SND1: variants seen among roughly 807,000 people sequenced by gnomAD.
SND1 encodes staphylococcal nuclease domain-containing protein 1.
SND1 carries 38 observed loss-of-function variants against 121.7 expected under a neutral mutation model. The ratio of observed to expected loss-of-function variants is 0.31; its 90% CI spans 0.24 to 0.41. The LOEUF is 0.41. Ranked by LOEUF, SND1 falls within the 10% of genes least tolerant of loss-of-function variation. The probability of loss-of-function intolerance (pLI) is 1.00; values close to 1 mark genes in which losing one functional copy is unlikely to be tolerated. For synonymous variants in SND1, 401 were observed against 447.4 expected (o/e 0.90, Z 1.31); for missense variants, 868 against 1,184.6 (o/e 0.73, Z 3.92).
chr7:127,988,554 T>G (rs972814049), intron 15 of SND1, among the ~76,000 whole-genome samples: 3 of 152,206 alleles, frequency 2.0e-5, no homozygotes, highest in African/African-American at 7.2e-5. Context: ...CCTGGCCCAC[T>G]GAGCCATCAT....
At chr7:127,653,601 G>C (rs1490401210) in intron 1 of SND1, among the ~76,000 whole-genome samples, 1 of 152,110 alleles carries the variant, frequency 6.6e-6, no homozygotes, top group Non-Finnish European at 1.5e-5. Flanking sequence ...TTGAGGCCAG[G>C]AGTTGGAGAT....
In SND1 at chr7:127,714,161, G is replaced by A. The variant is rs915120167; in HGVS notation, c.1038+6514G>A. 3.6e-4 allele frequency among the ~76,000 whole-genome samples: 55 copies of A among 152,126 alleles called. 2 individuals carry two copies. Among genetic ancestry groups the A allele is most frequent in the Non-Finnish European group, 4.4e-5 (3 of 68,032 alleles). ...CACCCTACCTGGTTAGAGGCTTCTT[G>A]CTTGGTCCTCTGTACCTATATATAG... is the stretch of plus-strand genomic sequence containing the variant. On this transcript the variant is annotated intron_variant, in intron 9 of 23. Coordinates refer to ENST00000354725, the MANE Select transcript of SND1 (RefSeq NM_014390.4).
At chr7:127,892,238 A>G (rs1800021871) in intron 13 of SND1, among the ~76,000 whole-genome samples, 1 of 152,122 alleles carries the variant, frequency 6.6e-6, no homozygotes. Context: ...TGCAGCCCCT[A>G]CTTCCTCTGC....
intron 13 of SND1, among the ~76,000 whole-genome samples, chr7:127,896,696 G>C (rs941558912): frequency 6.6e-6 from 1 of 152,066 alleles, no homozygotes; most frequent in African/African-American, 2.4e-5. Context: ...ATGAGCTTTG[G>C]ATTTCTATAG....
At chr7:127,799,499 G>T (rs1434144101) in intron 10 of SND1, among the ~76,000 whole-genome samples, 1 of 152,120 alleles carries the variant, frequency 6.6e-6, no homozygotes, top group Non-Finnish European at 1.5e-5. Flanking sequence ...GATCAAATAG[G>T]GTTGTCAGAA....
rs558574978 is a variant in SND1, at chr7:128,046,841, TTATC to T, written c.1780-27657_1780-27654del. Among the ~76,000 whole-genome samples the T allele has an allele frequency of 1.3e-3, 195 of 152,350 alleles. 5 individuals are homozygous for T. In the South Asian group the frequency reaches 0.037, roughly 29 times the overall value. ...AGCAGCAAATCAAAGTAAAACTAATTTATCTATTCATCACCAATAGAAATAAAGA... is the reference window on the plus strand; with the variant it reads ...AGCAGCAAATCAAAGTAAAACTAATTTATTCATCACCAATAGAAATAAAGA... On this transcript the variant is annotated intron_variant, in intron 16 of 23. Transcript: ENST00000354725.
chr7:127,766,617 T>C (rs1370184705), intron 10 of SND1, among the ~76,000 whole-genome samples: 2 of 151,364 alleles, frequency 1.3e-5, no homozygotes, highest in African/African-American at 2.4e-5. Flanking sequence ...CTACTAAAAA[T>C]ACAAAAAATT....
intron 2 of SND1, among the ~76,000 whole-genome samples, chr7:127,688,576 G>A (rs1394660898): frequency 6.7e-6 from 1 of 150,232 alleles, no homozygotes; most frequent in African/African-American, 2.5e-5. Flanking sequence ...GAAAAAATTA[G>A]CCAGGCATGG....
rs373622270 is a variant in SND1, at chr7:128,029,502, G to A, written c.1779+38446G>A. On this transcript the variant is annotated intron_variant, in intron 16 of 23. Coordinates refer to ENST00000354725, the MANE Select transcript of SND1 (RefSeq NM_014390.4). The surrounding 1 kb of genome is among the most constrained non-coding windows in gnomAD (Gnocchi z 4.2). The stretch of plus-strand genomic sequence containing the variant: ...ATTGGGCAGCAACCACTTCACGGAG[G>A]ACATAGGGGGAGTCCGACACTTAAG... 2 of 1,614,098 alleles carry A rather than the reference G, an allele frequency of 1.2e-6. No homozygotes were observed. The highest frequency in any genetic ancestry group is 1.3e-5 in the African/African-American group (1 of 75,018).
chr7:127,909,975 G>A (rs1800419901), intron 14 of SND1, among the ~76,000 whole-genome samples: 1 of 152,192 alleles, frequency 6.6e-6, no homozygotes, highest in Non-Finnish European at 1.5e-5. Context: ...TCCAGCATCT[G>A]CTCCTGACCT....
chr7:128,071,980 A>G (rs1330921818), intron 16 of SND1, among the ~76,000 whole-genome samples: 17 of 152,316 alleles, frequency 1.1e-4, no homozygotes, highest in African/African-American at 3.8e-4. Flanking sequence ...GTTAAGTGTG[A>G]AGCTGGTGCT....
chr7:128,044,502 T>G (rs1349015907), intron 16 of SND1, among the ~76,000 whole-genome samples: 1 of 152,202 alleles, frequency 6.6e-6, no homozygotes, highest in African/African-American at 2.4e-5. Context: ...TACAACACAC[T>G]TATTTTGAAA....
chr7:127,830,828 G>T (rs1334597025), intron 11 of SND1, among the ~76,000 whole-genome samples: 1 of 152,116 alleles, frequency 6.6e-6, no homozygotes, highest in Non-Finnish European at 1.5e-5. Flanking sequence ...CTCCTAGTTT[G>T]CTGTCTAGGA....
chr7:128,044,639 G>A (rs910499236), intron 16 of SND1, among the ~76,000 whole-genome samples: 2 of 22,702 alleles, frequency 8.8e-5, no homozygotes, highest in East Asian at 1.5e-3. Flanking sequence ...CCCCACCCCC[G>A]CCACACACAC....
intron 10 of SND1, among the ~76,000 whole-genome samples, chr7:127,783,366 A>C (rs1257871695): frequency 6.6e-6 from 1 of 152,176 alleles, no homozygotes; most frequent in Non-Finnish European, 1.5e-5. Context: ...TTGGTGATTG[A>C]CAGGATACTG....
At chr7:128,013,800 A>T (rs969962115) in intron 16 of SND1, among the ~76,000 whole-genome samples, 1 of 151,786 alleles carries the variant, frequency 6.6e-6, no homozygotes, top group African/African-American at 2.4e-5. Flanking sequence ...CCTACCACTC[A>T]CCTCCTTAGG....
chr7:127,694,014 T>C (rs1315414233), intron 2 of SND1, among the ~76,000 whole-genome samples: 1 of 152,166 alleles, frequency 6.6e-6, no homozygotes, highest in East Asian at 1.9e-4. Flanking sequence ...GATGTGTAGC[T>C]CAGTCCTCGT....
At chr7:127,916,022 GTGTGTGTGTGTT>G (rs1254921290) in intron 14 of SND1, among the ~76,000 whole-genome samples, 1 of 145,132 alleles carries the variant, frequency 6.9e-6, no homozygotes, top group Non-Finnish European at 1.5e-5. Context: ...GTGTGTGTGT[GTGTGTGTGTGTT>G]TATGTGTGTA....
intron 10 of SND1, among the ~76,000 whole-genome samples, chr7:127,762,161 G>C (rs1205682726): frequency 6.6e-6 from 1 of 152,164 alleles, no homozygotes; most frequent in Non-Finnish European, 1.5e-5. Context: ...GTTTACAGTA[G>C]ACTAGGGGAA....
Sources: gnomAD v4.1 joint callset for allele counts (sites outside exome capture counted in the v4.1 genomes callset) on GRCh38, gnomAD v4.1.1 for gene constraint, Gnocchi (gnomAD v3.1) non-coding constraint, MANE v1.5 for transcripts, NCBI Gene and HGNC (gene_info 2026-07-23, HGNC 2026-07-21) for gene names.